NFIB: variants seen among roughly 807,000 people sequenced by gnomAD.
NFIB encodes nuclear factor 1 B-type.
Under a neutral mutation model 61.5 loss-of-function variants are expected in NFIB, and 11 were observed. The ratio of observed to expected loss-of-function variants is 0.18; its 90% CI spans 0.11 to 0.30. The LOEUF is 0.30. NFIB is among the 10% of genes least tolerant of loss of function. The pLI, the probability that NFIB is intolerant of heterozygous loss-of-function variation, is 1.00. For synonymous variants in NFIB, 260 were observed against 216.5 expected, an observed-to-expected ratio of 1.20 and a Z score of -1.76; for missense variants, 471 against 608.9, an observed-to-expected ratio of 0.77 and a Z score of 2.38.
At chr9:14,371,971 TG>T (rs903474205) in intron 1 of NFIB, among the ~76,000 whole-genome samples, 2 of 152,182 alleles carry the variant, frequency 1.3e-5, no homozygotes, top group Non-Finnish European at 2.9e-5. Flanking sequence ...CAATTGGTCA[TG>T]GGGAGGTCCA....
intron 6 of NFIB, among the ~76,000 whole-genome samples, chr9:14,144,438 AG>A: frequency 6.6e-6 from 1 of 152,134 alleles, no homozygotes; most frequent in East Asian, 1.9e-4. Context: ...TAAAATATAA[AG>A]GGTTGAGGGT....
chr9:14,197,538 C>T (rs1021335531), intron 2 of NFIB, among the ~76,000 whole-genome samples: 5 of 152,156 alleles, frequency 3.3e-5, no homozygotes, highest in African/African-American at 1.2e-4. Flanking sequence ...GGCAATTATA[C>T]CCATAACCAC....
At chr9:14,373,552 T>C (rs75059066) in intron 1 of NFIB, among the ~76,000 whole-genome samples, 8,877 of 152,222 alleles carry the variant, frequency 0.058, 322 homozygotes, top group Non-Finnish European at 0.084. Flanking sequence ...AACTTTTAAA[T>C]ATGTCATTAC....
intron 1 of NFIB, among the ~76,000 whole-genome samples, chr9:14,351,829 TAAAG>T (rs2061116374): frequency 6.6e-6 from 1 of 152,192 alleles, no homozygotes; most frequent in East Asian, 1.9e-4. Flanking sequence ...GCTTTACAGA[TAAAG>T]AAACTGAGGC....
At chr9:14,235,407 T>C (rs1289554125) in intron 2 of NFIB, among the ~76,000 whole-genome samples, 1 of 152,174 alleles carries the variant, frequency 6.6e-6, no homozygotes, top group Non-Finnish European at 1.5e-5. Flanking sequence ...CTTCCTTATC[T>C]GTAAATGATT....
At chr9:14,249,650 TA>T (rs895560477) in intron 2 of NFIB, among the ~76,000 whole-genome samples, 2 of 150,262 alleles carry the variant, frequency 1.3e-5, no homozygotes, top group East Asian at 2.0e-4. Context: ...GCAAGTACTG[TA>T]AAAAAATAGA....
At chr9:14,295,188 GA>G (rs755666451) in intron 2 of NFIB, among the ~76,000 whole-genome samples, 3 of 151,702 alleles carry the variant, frequency 2.0e-5, no homozygotes, top group Admixed American at 6.6e-5. Flanking sequence ...ACTTAAAGGA[GA>G]AAAATTAAAT....
At chr9:14,180,020 A>G (rs1296227208) in intron 2 of NFIB, among the ~76,000 whole-genome samples, 1 of 152,208 alleles carries the variant, frequency 6.6e-6, no homozygotes, top group Non-Finnish European at 1.5e-5. Flanking sequence ...CTTGGGCTAG[A>G]GCAAGGTTTT....
intron 1 of NFIB, among the ~76,000 whole-genome samples, chr9:14,332,090 T>C (rs984194376): frequency 1.3e-5 from 2 of 152,002 alleles, no homozygotes; most frequent in South Asian, 2.1e-4. Flanking sequence ...GCCAGCACTT[T>C]AGGAAGCCGA....
At chr9:14,323,958 A>G (rs145971593) in intron 1 of NFIB, among the ~76,000 whole-genome samples, 5 of 152,360 alleles carry the variant, frequency 3.3e-5, no homozygotes, top group African/African-American at 1.2e-4. Context: ...GAAAATGCCC[A>G]ACTTTAAAAT....
the NFIB span, among the ~76,000 whole-genome samples, chr9:14,419,509 C>A: frequency 6.6e-6 from 1 of 152,276 alleles, no homozygotes; most frequent in African/African-American, 2.4e-5. Flanking sequence ...GAATGCTCTG[C>A]TGTAGCCATT....
chr9:14,219,367 T>C (rs1358165884), intron 2 of NFIB, among the ~76,000 whole-genome samples: 2 of 113,730 alleles, frequency 1.8e-5, no homozygotes, highest in Non-Finnish European at 3.4e-5. Context: ...TAGAGTCATC[T>C]TGTAGCACTA....
intron 3 of NFIB, among the ~76,000 whole-genome samples, chr9:14,172,456 T>C (rs1162626133): frequency 6.6e-6 from 1 of 152,094 alleles, no homozygotes; most frequent in African/African-American, 2.4e-5. Context: ...GGAAAAAAAT[T>C]ATACAATGTT....
At chr9:14,346,545 C>T (rs975916273) in intron 1 of NFIB, among the ~76,000 whole-genome samples, 1 of 152,154 alleles carries the variant, frequency 6.6e-6, no homozygotes, top group Non-Finnish European at 1.5e-5. Context: ...CGACGGATTT[C>T]GTTTCTATTC....
chr9:14,116,263 C>T lies in NFIB; in HGVS notation c.1329G>A (p.Val443=). The T allele has an allele frequency of 6.5e-7, 1 of 1,538,644 alleles. No homozygotes were observed. The highest frequency in any genetic ancestry group is 1.2e-5 in the South Asian group (1 of 81,830). ...CTGTCATGCTCAGGGTCACAGGTCG[C>T]ACTGCACTGGGATGGGGAGAGGGTG... ...VLAPSPHPSA[V]RPVTLSMTDT... Residue 443 remains valine, a synonymous_variant, in exon 9 of 11, where the codon GTG becomes GTA. Transcript: ENST00000380953.
At chr9:14,290,477 T>C (rs2059018598) in intron 2 of NFIB, among the ~76,000 whole-genome samples, 1 of 151,880 alleles carries the variant, frequency 6.6e-6, no homozygotes, top group Admixed American at 6.6e-5. Flanking sequence ...AATTGCCAAA[T>C]AAAGTGCATG....
At chr9:14,388,449 A>G (rs1222255093) in intron 1 of NFIB, among the ~76,000 whole-genome samples, 7 of 143,326 alleles carry the variant, frequency 4.9e-5, no homozygotes, top group African/African-American at 1.5e-4. Flanking sequence ...AGAGAGGGAG[A>G]AAAAAGAGAG....
intron 1 of NFIB, among the ~76,000 whole-genome samples, chr9:14,392,653 G>A (rs535110654): frequency 6.6e-6 from 1 of 152,196 alleles, no homozygotes; most frequent in East Asian, 1.9e-4. Flanking sequence ...CCAGGGGGCA[G>A]AGGCTGCATT....
intron 3 of NFIB, among the ~76,000 whole-genome samples, chr9:14,171,555 C>A (rs2045565177): frequency 6.6e-6 from 1 of 151,978 alleles, no homozygotes; most frequent in Non-Finnish European, 1.5e-5. Flanking sequence ...ATTCAAGAGA[C>A]CTTTCAAAGT....
Sources: gnomAD v4.1 joint callset for allele counts (sites outside exome capture counted in the v4.1 genomes callset) on GRCh38, gnomAD v4.1.1 for gene constraint, MANE v1.5 for transcripts, NCBI Gene and HGNC (gene_info 2026-07-23, HGNC 2026-07-21) for gene names.